ZC3H12B: variants seen among roughly 807,000 people sequenced by gnomAD.
ZC3H12B encodes the protein zinc finger CCCH-type containing 12B, also known as probable ribonuclease ZC3H12B.
A neutral mutation model predicts 43.9 loss-of-function variants in ZC3H12B; 7 were observed. The observed-to-expected ratio is 0.16, with a 90% CI of 0.09 to 0.30. The LOEUF is 0.30. Ranked by LOEUF, ZC3H12B falls within the 10% of genes least tolerant of loss-of-function variation. The pLI, the probability that ZC3H12B is intolerant of heterozygous loss-of-function variation, is 1.00. For missense variants in ZC3H12B, 475 were observed against 670.2 expected, an observed-to-expected ratio of 0.71 and a Z score of 3.22; for synonymous variants, 222 against 241.7, an observed-to-expected ratio of 0.92 and a Z score of 0.76.
the ZC3H12B span, among the ~76,000 whole-genome samples, chrX:65,106,657 T>A: frequency 9.1e-6 from 1 of 110,198 alleles, no homozygotes; most frequent in Non-Finnish European, 1.9e-5. Flanking sequence ...TAGTTAAGAG[T>A]CCCAAGTTTT....
At chrX:65,332,615 A>G in the ZC3H12B span, among the ~76,000 whole-genome samples, 3 of 111,447 alleles carry the variant, frequency 2.7e-5, no homozygotes, top group African/African-American at 6.5e-5. Flanking sequence ...TATATTACCT[A>G]TCCCTCTTGT....
chrX:65,046,217 C>A, the ZC3H12B span, among the ~76,000 whole-genome samples: 2 of 111,773 alleles, frequency 1.8e-5, no homozygotes, highest in African/African-American at 6.5e-5. Flanking sequence ...AGCTTTGAAG[C>A]CAGACATTGA....
chrX:65,222,881 A>G, the ZC3H12B span, among the ~76,000 whole-genome samples: 2 of 110,546 alleles, frequency 1.8e-5, no homozygotes, highest in Non-Finnish European at 3.8e-5. Flanking sequence ...AGAAAAAAAA[A>G]TCATCCTAAA....
At chrX:65,428,136 G>T (rs1019189229) in intron 3 of ZC3H12B, among the ~76,000 whole-genome samples, 13 of 112,084 alleles carry the variant, frequency 1.2e-4, no homozygotes, top group African/African-American at 4.2e-4. Context: ...TCCACTGTTA[G>T]TCTGATGGGC....
chrX:65,160,772 C>A, the ZC3H12B span, among the ~76,000 whole-genome samples: 1 of 111,317 alleles, frequency 9.0e-6, no homozygotes, highest in African/African-American at 3.3e-5. Context: ...CAGTTCTGCT[C>A]TGATTTTAGT....
At chrX:65,455,088 A>G (rs2067587369) in intron 3 of ZC3H12B, among the ~76,000 whole-genome samples, 1 of 112,539 alleles carries the variant, frequency 8.9e-6, no homozygotes, top group African/African-American at 3.2e-5. Flanking sequence ...CTCCAAAGGA[A>G]TGCAGCTCCT....
the ZC3H12B span, among the ~76,000 whole-genome samples, chrX:65,202,225 A>G: frequency 1.1e-5 from 1 of 90,508 alleles, no homozygotes; most frequent in Non-Finnish European, 2.2e-5. Context: ...CTTGGGTATG[A>G]CTTTATTAAC....
At chrX:65,202,290 G>T in the ZC3H12B span, among the ~76,000 whole-genome samples, 1 of 102,909 alleles carries the variant, frequency 9.7e-6, no homozygotes, top group East Asian at 3.0e-4. Flanking sequence ...TGAAGCTTGT[G>T]AATGTTCATC....
At chrX:65,223,737 A>T in the ZC3H12B span, among the ~76,000 whole-genome samples, 3 of 112,491 alleles carry the variant, frequency 2.7e-5, no homozygotes, top group Non-Finnish European at 5.6e-5. Context: ...ATCACTAATG[A>T]TCAGGGAAAT....
intron 3 of ZC3H12B, among the ~76,000 whole-genome samples, chrX:65,405,435 C>T (rs778593549): frequency 4.5e-5 from 5 of 111,440 alleles, no homozygotes; most frequent in East Asian, 2.8e-4. Flanking sequence ...GCCTGGCCAA[C>T]GTGGTGAAAC....
intron 3 of ZC3H12B, among the ~76,000 whole-genome samples, chrX:65,476,989 T>A (rs1218718852): frequency 4.6e-5 from 3 of 64,625 alleles, no homozygotes; most frequent in Non-Finnish European, 6.9e-5. Context: ...TCCTGACTAA[T>A]TTTTTTTTTT....
upstream of ZC3H12B, among the ~76,000 whole-genome samples, chrX:65,365,836 C>A (rs1342237267): frequency 2.7e-5 from 3 of 109,253 alleles, no homozygotes; most frequent in African/African-American, 1.0e-4. Flanking sequence ...CGCCAGAGAA[C>A]AACCCCCTTT....
the ZC3H12B span, among the ~76,000 whole-genome samples, chrX:65,345,038 G>C: frequency 8.9e-6 from 1 of 111,825 alleles, no homozygotes; most frequent in Admixed American, 9.4e-5. Flanking sequence ...TATTAAAAAG[G>C]CTAAAAATAA....
At chrX:65,457,051 G>A (rs1355081386) in intron 3 of ZC3H12B, among the ~76,000 whole-genome samples, 11 of 96,723 alleles carry the variant, frequency 1.1e-4, no homozygotes, top group African/African-American at 3.4e-4. Context: ...GTCTCTGCCC[G>A]GCCGCCCATC....
At chrX:65,135,475 A>T in the ZC3H12B span, among the ~76,000 whole-genome samples, 1 of 108,942 alleles carries the variant, frequency 9.2e-6, no homozygotes, top group African/African-American at 3.3e-5. Context: ...GGTTGTTTTC[A>T]GGATTTTTTG....
chrX:65,053,328 A>G, the ZC3H12B span, among the ~76,000 whole-genome samples: 7 of 110,444 alleles, frequency 6.3e-5, no homozygotes, highest in Admixed American at 1.9e-4. Flanking sequence ...TCATTGTTCA[A>G]TTCCCACCTA....
chrX:65,277,995 A>G, the ZC3H12B span, among the ~76,000 whole-genome samples: 1 of 111,283 alleles, frequency 9.0e-6, no homozygotes, highest in East Asian at 2.8e-4. Flanking sequence ...ATGAAAGAAG[A>G]CCTAAATAAA....
At chrX:65,202,863 T>A in the ZC3H12B span, among the ~76,000 whole-genome samples, 1 of 110,905 alleles carries the variant, frequency 9.0e-6, no homozygotes, top group Non-Finnish European at 1.9e-5. Flanking sequence ...TGGGAAGGTC[T>A]AGAGCTGTAG....
the ZC3H12B span, among the ~76,000 whole-genome samples, chrX:65,346,983 C>A: frequency 8.9e-6 from 1 of 112,093 alleles, no homozygotes; most frequent in African/African-American, 3.2e-5. Flanking sequence ...CAAGTGGGTA[C>A]CTGACACCTG....
Sources: allele counts gnomAD v4.1 joint callset (sites outside exome capture counted in the v4.1 genomes callset), GRCh38; gene constraint gnomAD v4.1.1; transcripts MANE v1.5; gene names NCBI Gene and HGNC (gene_info 2026-07-23, HGNC 2026-07-21).